CEP135: variants seen among roughly 807,000 people sequenced by gnomAD.
CEP135 encodes the protein centrosomal protein of 135 kDa.
Under a neutral mutation model 157.3 loss-of-function variants are expected in CEP135, and 142 were observed. That is an observed-to-expected ratio of 0.90 (90% confidence interval 0.79 to 1.04). CEP135 has a LOEUF of 1.04. Among genes scored for constraint, CEP135 ranks in the 50% least tolerant of loss-of-function variants. The pLI is 0.00. For missense variants in CEP135, 1,317 were observed against 1,309.2 expected, an observed-to-expected ratio of 1.01 and a Z score of -0.09; for synonymous variants, 396 against 439.8, an observed-to-expected ratio of 0.90 and a Z score of 1.25.
chr4:55,992,018 C>T lies in CEP135; in HGVS notation c.1942C>T (p.Gln648Ter). 1 of 1,608,688 alleles carries T rather than the reference C, an allele frequency of 6.2e-7. No homozygotes were observed. Among genetic ancestry groups the T allele is most frequent in the Non-Finnish European group, 8.5e-7 (1 of 1,177,762 alleles). ...IESLENKLKV[Q>*]AQKFSHVAGD... is the part of the protein sequence containing the mutation. ...GTCGTTAGAGAACAAATTAAAAGTC[C>T]AAGCTCAAAAATTTAGCCATGTGGC... Residue 648 changes from glutamine to a stop codon, truncating the protein, a stop_gained, in exon 15 of 26, where the codon CAA becomes TAA. Transcript: ENST00000257287. LOFTEE classifies it high-confidence loss of function.
chr4:55,971,198 A>G (rs925191826), intron 9 of CEP135, 72 bp from the exon 10 acceptor site: 1 of 1,217,552 alleles, frequency 8.2e-7, no homozygotes, highest in Non-Finnish European at 1.1e-6. Context: ...TGTGCTTATA[A>G]AAATCTATCT....
At chr4:55,993,518 CTGCTTTTTTCTT>C (rs539643468) in intron 15 of CEP135, among the ~76,000 whole-genome samples, 3 of 152,294 alleles carry the variant, frequency 2.0e-5, no homozygotes, top group African/African-American at 4.8e-5. Context: ...AAAGTAGATA[CTGCTTTTTTCTT>C]TGCTTTTTTC....
intron 8 of CEP135, chr4:55,966,066 T>C (rs960787220): frequency 1.6e-5 from 8 of 513,142 alleles, no homozygotes; most frequent in Non-Finnish European, 2.4e-5. Context: ...TGAGTGTCTC[T>C]CTGAAGCACA....
At chr4:55,988,052 A>G (rs1356673293) in intron 14 of CEP135, among the ~76,000 whole-genome samples, 2 of 152,236 alleles carry the variant, frequency 1.3e-5, no homozygotes, top group Admixed American at 1.3e-4. Context: ...GGATAAATTT[A>G]CAGAATCTTT....
At chr4:55,987,036 G>A (rs1729612235) in intron 14 of CEP135, among the ~76,000 whole-genome samples, 1 of 152,208 alleles carries the variant, frequency 6.6e-6, no homozygotes, top group Non-Finnish European at 1.5e-5. Flanking sequence ...GTTCTGGGAT[G>A]CAGTTAAATT....
chr4:55,956,564 G>A (rs1301378080), intron 4 of CEP135, among the ~76,000 whole-genome samples: 2 of 151,466 alleles, frequency 1.3e-5, no homozygotes, highest in Non-Finnish European at 2.9e-5. Flanking sequence ...CCAGTTTTCT[G>A]CTAGTGATAA....
intron 23 of CEP135, 75 bp downstream of exon 23, chr4:56,019,630 G>A (rs1036911385): frequency 4.0e-5 from 49 of 1,236,348 alleles, no homozygotes; most frequent in Admixed American, 2.2e-5. Flanking sequence ...TGAAGTGGAG[G>A]AAAGGTTAAG....
At chr4:56,015,413 C>T (rs1730739116) in intron 21 of CEP135, among the ~76,000 whole-genome samples, 2 of 152,198 alleles carry the variant, frequency 1.3e-5, no homozygotes, top group African/African-American at 4.8e-5. Context: ...CACCACAAGC[C>T]CAGACATCAC....
At chr4:55,992,200 C>A in intron 15 of CEP135, 115 bp downstream of exon 15, 2 of 972,208 alleles carry the variant, frequency 2.1e-6, no homozygotes, top group Non-Finnish European at 3.0e-6. Context: ...TAGAAGTTGG[C>A]TTTGCAGTAG....
intron 15 of CEP135, among the ~76,000 whole-genome samples, chr4:55,993,851 T>C (rs537465420): frequency 1.3e-5 from 2 of 152,242 alleles, no homozygotes; most frequent in African/African-American, 2.4e-5. Flanking sequence ...TTTTCTCTTA[T>C]GAGCTCAATC....
intron 8 of CEP135, among the ~76,000 whole-genome samples, chr4:55,967,431 A>C (rs922000579): frequency 2.0e-5 from 3 of 152,174 alleles, no homozygotes; most frequent in Non-Finnish European, 4.4e-5. Context: ...TTATATCTTG[A>C]GACAGTGCAC....
At position 56,020,667 on chromosome 4, in the gene CEP135, G is replaced by A. The variant is rs777419798; in HGVS notation, c.3216-9G>A. ...CGTTTATTTCTTGATTTTTTAATTTGTTTTTAAGAACTAGTCAAAGCCGGG... is the reference window on the plus strand; with the variant it reads ...CGTTTATTTCTTGATTTTTTAATTTATTTTTAAGAACTAGTCAAAGCCGGG... On this transcript the variant is annotated splice_polypyrimidine_tract_variant and intron_variant, in intron 23 of 25. Transcript: ENST00000257287. 3.0e-5 allele frequency: 48 copies of A among 1,609,544 alleles called. No individual in the cohort carries two copies. Among genetic ancestry groups the A allele is most frequent in the South Asian group, 3.3e-5 (3 of 90,382 alleles).
chr4:56,019,455 A>G lies in CEP135; in HGVS notation c.3115A>G (p.Thr1039Ala), dbSNP rs1261497938. The stretch of plus-strand genomic sequence containing the variant: ...TAAAAACCTCGAATCATTGTTGGCT[A>G]CAAACAGAGATAAAGAATTTCATTC... ...TVKNLESLLATNRDKEFHSHL... is the reference protein window; with the variant it reads ...TVKNLESLLAANRDKEFHSHL... The change falls in exon 23 of 26, where the codon ACA becomes GCA. Residue 1039 changes from threonine to alanine, a missense_variant. By Grantham distance (58) the Thr-to-Ala change is moderately conservative (BLOSUM62 0). Coordinates refer to ENST00000257287, the MANE Select transcript of CEP135 (RefSeq NM_025009.5). 2 of 1,613,746 alleles carry G rather than the reference A, an allele frequency of 1.2e-6. No homozygotes were observed. The highest frequency in any genetic ancestry group is 1.3e-5 in the African/African-American group (1 of 74,940).
intron 11 of CEP135, among the ~76,000 whole-genome samples, chr4:55,976,020 C>T (rs910841438): frequency 3.3e-5 from 5 of 151,878 alleles, no homozygotes; most frequent in South Asian, 2.1e-4. Context: ...GAGGCCAAGG[C>T]GGGAGGATCA....
chr4:56,009,442 G>T (rs1277402062), intron 18 of CEP135, among the ~76,000 whole-genome samples: 1 of 152,180 alleles, frequency 6.6e-6, no homozygotes, highest in Non-Finnish European at 1.5e-5. Context: ...GATTACAGGC[G>T]TGAGCCACCG....
intron 14 of CEP135, among the ~76,000 whole-genome samples, chr4:55,990,006 A>G (rs769067027): frequency 2.0e-5 from 3 of 152,192 alleles, no homozygotes; most frequent in Non-Finnish European, 4.4e-5. Flanking sequence ...TCATTTATTT[A>G]CATATTGTCT....
chr4:56,008,700 A>G (rs1350638446), intron 18 of CEP135, among the ~76,000 whole-genome samples: 1 of 152,144 alleles, frequency 6.6e-6, no homozygotes. Flanking sequence ...CCAATCTCGA[A>G]TTTATTCTCC....
At chr4:55,970,890 T>C (rs1729007585) in intron 9 of CEP135, among the ~76,000 whole-genome samples, 1 of 152,170 alleles carries the variant, frequency 6.6e-6, no homozygotes, top group African/African-American at 2.4e-5. Flanking sequence ...GCTGAGAGAA[T>C]AACCAGTATA....
Position 55,980,164 on chromosome 4 carries a change from C to A in CEP135, c.1495C>A (p.His499Asn). The A allele has an allele frequency of 6.2e-7, 1 of 1,608,728 alleles. No homozygotes were observed. Among genetic ancestry groups the A allele is most frequent in the South Asian group, 1.1e-5 (1 of 90,164 alleles). ...PEKGDYNSEI[H>N]QITRERDELQ... ...TCAGGGTGATTACAATTCAGAAATT[C>A]ATCAGATCACAAGAGAAAGAGATGA... The change falls in exon 12 of 26, where the codon CAT (histidine) becomes AAT (asparagine). Residue 499 changes from histidine to asparagine, a missense_variant. Coordinates refer to ENST00000257287, the MANE Select transcript of CEP135 (RefSeq NM_025009.5).
Sources: gnomAD v4.1 joint callset for allele counts (sites outside exome capture counted in the v4.1 genomes callset) on GRCh38, gnomAD v4.1.1 for gene constraint, MANE v1.5 for transcripts, NCBI Gene and HGNC (gene_info 2026-07-23, HGNC 2026-07-21) for gene names.